Variants in PSD3 observed in about 807,000 individuals in gnomAD.
The protein encoded by PSD3 is pleckstrin and Sec7 domain containing 3.
A neutral mutation model predicts 105.5 loss-of-function variants in PSD3; 49 were observed. That is an observed-to-expected ratio of 0.46 (90% confidence interval 0.37 to 0.59). The LOEUF is 0.59. PSD3 is among the 20% of genes least tolerant of loss of function. PSD3 has a pLI of 0.00. For missense variants in PSD3, 1,561 were observed against 1,263.8 expected (o/e 1.24, Z -3.57); for synonymous variants, 557 against 457.8 (o/e 1.22, Z -2.77).
At chr8:18,954,094 C>T (rs1823407569) in intron 1 of PSD3, among the ~76,000 whole-genome samples, 1 of 152,086 alleles carries the variant, frequency 6.6e-6, no homozygotes, top group Non-Finnish European at 1.5e-5. Flanking sequence ...TACACTTGCT[C>T]CTCAACTTAT....
chr8:18,582,945 A>T (rs972966894), intron 12 of PSD3, among the ~76,000 whole-genome samples: 8 of 149,272 alleles, frequency 5.4e-5, no homozygotes, highest in African/African-American at 2.0e-4. Flanking sequence ...CCTGCCTCAG[A>T]CTCCTGAGTA....
chr8:18,629,105 G>C (rs1806708624), intron 11 of PSD3, among the ~76,000 whole-genome samples: 1 of 151,892 alleles, frequency 6.6e-6, no homozygotes, highest in African/African-American at 2.4e-5. Flanking sequence ...AACAAAATTT[G>C]TATAGCATGC....
intron 4 of PSD3, among the ~76,000 whole-genome samples, chr8:18,830,006 CAGCGAGCCTGGA>C: frequency 6.6e-6 from 1 of 152,060 alleles, no homozygotes. Context: ...AGTGCTTTGT[CAGCGAGCCTGGA>C]GCGCAGCGGT....
intron 4 of PSD3, among the ~76,000 whole-genome samples, chr8:18,846,403 G>A (rs992896887): frequency 6.6e-6 from 1 of 152,102 alleles, no homozygotes; most frequent in Non-Finnish European, 1.5e-5. Context: ...AGAAACGTAG[G>A]GGGCGGAAAC....
intron 1 of PSD3, among the ~76,000 whole-genome samples, chr8:19,083,975 A>T (rs1829726795): frequency 6.6e-6 from 1 of 152,182 alleles, no homozygotes; most frequent in African/African-American, 2.4e-5. Flanking sequence ...CTTGGGAAAT[A>T]GTTAATCCTT....
At chr8:18,733,703 C>G (rs575647343) in intron 9 of PSD3, 1 of 152,716 alleles carries the variant, frequency 6.5e-6, no homozygotes, top group South Asian at 2.1e-4. Context: ...ATCATCATTC[C>G]TCCCTCCACT....
intron 9 of PSD3, among the ~76,000 whole-genome samples, chr8:18,712,807 C>T (rs374968856): frequency 3.5e-4 from 54 of 152,258 alleles, no homozygotes; most frequent in African/African-American, 1.2e-3. Context: ...ATCCTGATAT[C>T]AAAACCTGGC....
chr8:19,069,942 CT>C (rs1159390669), intron 1 of PSD3, among the ~76,000 whole-genome samples: 1 of 100,072 alleles, frequency 1.0e-5, no homozygotes, highest in Non-Finnish European at 2.3e-5. Flanking sequence ...AAAAGCTTTT[CT>C]TTTTTCTTTT....
At chr8:18,695,338 C>T (rs541840457) in intron 9 of PSD3, among the ~76,000 whole-genome samples, 5 of 152,314 alleles carry the variant, frequency 3.3e-5, no homozygotes, top group African/African-American at 1.2e-4. Context: ...CATAAAAGTG[C>T]ATGCATGAAG....
At chr8:18,731,209 T>C (rs568480408) in intron 9 of PSD3, among the ~76,000 whole-genome samples, 7 of 152,190 alleles carry the variant, frequency 4.6e-5, no homozygotes, top group South Asian at 2.1e-4. Flanking sequence ...TGAGCAGAGA[T>C]TGCACCACTG....
rs201574879 is a variant in PSD3, at chr8:18,608,770, G to GT, written c.2411-8337dup. Among the ~76,000 whole-genome samples, 964 of 151,664 alleles carry GT rather than the reference G, an allele frequency of 6.4e-3. 5 individuals are homozygous for GT. The highest frequency in any genetic ancestry group is 0.021 in the African/African-American group (876 of 41,380). On this transcript the variant is annotated intron_variant, in intron 11 of 15. Coordinates refer to ENST00000327040, the MANE Select transcript of PSD3 (RefSeq NM_015310.4). ...GTAATAATGGATTTATGCCAGAAAAGTTTTTTTTTAATCCACCAAAAGGTA... is the reference window on the plus strand; with the variant it reads ...GTAATAATGGATTTATGCCAGAAAAGTTTTTTTTTTAATCCACCAAAAGGTA...
At chr8:18,898,454 GT>G (rs1348285777) in intron 2 of PSD3, among the ~76,000 whole-genome samples, 1 of 152,098 alleles carries the variant, frequency 6.6e-6, no homozygotes, top group African/African-American at 2.4e-5. Flanking sequence ...TGCATGGAAT[GT>G]CTTTTTCCAT....
At position 18,638,154 on chromosome 8, in the gene PSD3, C is replaced by CAA. The variant is rs34328764; in HGVS notation, c.2217-5350_2217-5349dup. On this transcript the variant is annotated intron_variant, in intron 10 of 15. Coordinates refer to ENST00000327040, the MANE Select transcript of PSD3 (RefSeq NM_015310.4). ...TGGGCGACAGAGCGAGATTCCATCT[C>CAA]AAAAAAAAAAAAAAAAAAAAGATTC... is the stretch of plus-strand genomic sequence containing the variant. Among the ~76,000 whole-genome samples the CAA allele has an allele frequency of 4.0e-3, 286 of 72,200 alleles. 1 individual carries two copies. Among genetic ancestry groups the CAA allele is most frequent in the African/African-American group, 0.013 (261 of 20,068 alleles). 47.4% of individuals were successfully genotyped at this position (72,200 alleles called of 152,430 possible).
Position 18,871,819 on chromosome 8 carries a change from C to T in PSD3, c.1045G>A (p.Gly349Ser), listed in dbSNP as rs750838375. 3 of 1,614,158 alleles carry T rather than the reference C, an allele frequency of 1.9e-6. No homozygotes were observed. Among genetic ancestry groups the T allele is most frequent in the South Asian group, 2.2e-5 (2 of 91,076 alleles). The stretch of plus-strand genomic sequence containing the variant: ...GTTAAACTACTTGAATTACACAAAC[C>T]AGCTGATGAGATGAGATGGCGTGGC... ...KVPRHLISSA[G>S]LCNSSSLTEN... Residue 349 changes from glycine to serine, a missense_variant, in exon 3 of 16, where the codon GGT (glycine) becomes AGT (serine). Gly to Ser is a moderately conservative substitution (Grantham distance 56). Coordinates refer to ENST00000327040, the MANE Select transcript of PSD3 (RefSeq NM_015310.4).
At chr8:19,045,172 A>T (rs1563527917) in intron 1 of PSD3, among the ~76,000 whole-genome samples, 1 of 152,168 alleles carries the variant, frequency 6.6e-6, no homozygotes, top group Non-Finnish European at 1.5e-5. Context: ...GTGACGGAGC[A>T]AGACTCCATC....
intron 4 of PSD3, among the ~76,000 whole-genome samples, chr8:18,840,820 T>C (rs1814558955): frequency 6.6e-6 from 1 of 152,186 alleles, no homozygotes; most frequent in African/African-American, 2.4e-5. Flanking sequence ...ATGATGATAA[T>C]ATTCTGGAAT....
At chr8:18,750,254 G>C (rs1363133133) in intron 9 of PSD3, among the ~76,000 whole-genome samples, 1 of 152,160 alleles carries the variant, frequency 6.6e-6, no homozygotes, top group South Asian at 2.1e-4. Flanking sequence ...GAGTGCTACA[G>C]CTCTTAAGGT....
chr8:18,695,883 G>A (rs892438483), intron 9 of PSD3, among the ~76,000 whole-genome samples: 1 of 152,190 alleles, frequency 6.6e-6, no homozygotes, highest in Non-Finnish European at 1.5e-5. Context: ...AATTAACAAT[G>A]ATAACTTCAT....
At chr8:19,044,157 A>C (rs1246047741) in intron 1 of PSD3, among the ~76,000 whole-genome samples, 1 of 152,144 alleles carries the variant, frequency 6.6e-6, no homozygotes, top group Non-Finnish European at 1.5e-5. Context: ...CGTTTTCAGG[A>C]CCTTTCCATT....
Sources: allele counts gnomAD v4.1 joint callset (sites outside exome capture counted in the v4.1 genomes callset), GRCh38; gene constraint gnomAD v4.1.1; transcripts MANE v1.5; gene names NCBI Gene and HGNC (gene_info 2026-07-23, HGNC 2026-07-21).